The following FOXP2 variants were observed in gnomAD, a reference collection of about 807,000 sequenced individuals.
FOXP2 encodes the protein forkhead box protein P2.
FOXP2 carries 12 observed loss-of-function variants against 115.8 expected under a neutral mutation model. That is an observed-to-expected ratio of 0.10 (90% CI 0.07 to 0.17). FOXP2 has a LOEUF of 0.17. Ranked by LOEUF, FOXP2 falls within the 10% of genes least tolerant of loss-of-function variation. The probability of loss-of-function intolerance (pLI) is 1.00; values close to 1 mark genes in which losing one functional copy is unlikely to be tolerated. For missense variants in FOXP2, 629 were observed against 843.5 expected, an observed-to-expected ratio of 0.75 and a Z score of 3.15; for synonymous variants, 328 against 297.7, an observed-to-expected ratio of 1.10 and a Z score of -1.05.
intron 2 of FOXP2, among the ~76,000 whole-genome samples, chr7:114,403,834 A>G (rs1326879866): frequency 6.6e-6 from 1 of 152,228 alleles, no homozygotes; most frequent in African/African-American, 2.4e-5. Context: ...ACAAGAAAAG[A>G]TTAACTAAAA....
At chr7:114,342,716 C>G (rs538754978) in intron 2 of FOXP2, among the ~76,000 whole-genome samples, 1 of 151,558 alleles carries the variant, frequency 6.6e-6, no homozygotes, top group African/African-American at 2.4e-5. Context: ...TTTCAACAGT[C>G]TTCTGTCTTT....
At chr7:114,109,637 T>C (rs1422876125) in intron 1 of FOXP2, among the ~76,000 whole-genome samples, 4 of 152,130 alleles carry the variant, frequency 2.6e-5, no homozygotes, top group Admixed American at 2.6e-4. Context: ...TATTAACTTT[T>C]AATCATAAAT....
rs1224001486 is a variant in FOXP2 at position 114,658,122 on chromosome 7, G to C, written c.1323G>C (p.Gln441His). Residue 441 changes from glutamine (Q) to histidine (H), a missense_variant, in exon 11 of 17, where the codon CAG becomes CAC. Around this residue, in one of 9 missense-constraint regions of FOXP2, gnomAD observed 101 missense variants for 116.0 expected, o/e 0.87. Transcript: ENST00000350908. The stretch of plus-strand genomic sequence containing the variant: ...AGAATATGTTGGAGACATCCCCACA[G>C]AGCTTACCTCAAACCCCTACCACAC... ...MSKNMLETSP[Q>H]SLPQTPTTPT... 6.2e-7 allele frequency: 1 copy of C among 1,613,864 alleles called. No individual in the cohort carries two copies. The highest frequency in any genetic ancestry group is 8.5e-7 in the Non-Finnish European group (1 of 1,179,876).
chr7:114,093,767 T>A (rs906922184), intron 1 of FOXP2, among the ~76,000 whole-genome samples: 1 of 152,136 alleles, frequency 6.6e-6, no homozygotes, highest in Non-Finnish European at 1.5e-5. Context: ...AAATATAGAT[T>A]TTAAAATCTA....
At chr7:114,122,095 T>C (rs1432016673) in intron 1 of FOXP2, among the ~76,000 whole-genome samples, 1 of 152,104 alleles carries the variant, frequency 6.6e-6, no homozygotes, top group Non-Finnish European at 1.5e-5. Flanking sequence ...TACTAGTAGG[T>C]GTATTTTGAG....
chr7:114,416,338 T>G (rs1287156429), intron 1 of FOXP2: 1 of 152,010 alleles, frequency 6.6e-6, no homozygotes, highest in Non-Finnish European at 1.5e-5. Flanking sequence ...ATGACACAGA[T>G]AGCTGCACTT....
At chr7:114,574,679 C>G (rs1425324879) in intron 3 of FOXP2, among the ~76,000 whole-genome samples, 1 of 151,860 alleles carries the variant, frequency 6.6e-6, no homozygotes, top group East Asian at 1.9e-4. Flanking sequence ...GTTAGTGTTG[C>G]CTACAGGTTT....
chr7:114,672,952 C>T (rs1201145170), intron 16 of FOXP2, among the ~76,000 whole-genome samples: 1 of 152,128 alleles, frequency 6.6e-6, no homozygotes, highest in Non-Finnish European at 1.5e-5. Flanking sequence ...CAGTAGGGCT[C>T]AACTACAGGA....
At chr7:114,533,367 G>A (rs1046206285) in intron 2 of FOXP2, among the ~76,000 whole-genome samples, 11 of 151,844 alleles carry the variant, frequency 7.2e-5, no homozygotes, top group African/African-American at 2.2e-4. Context: ...GGGTTAAGAC[G>A]TGGCAACTTT....
chr7:114,612,989 T>TGTTACTTTG (rs1277726634), intron 3 of FOXP2, among the ~76,000 whole-genome samples: 1 of 152,192 alleles, frequency 6.6e-6, no homozygotes, highest in African/African-American at 2.4e-5. Context: ...GTTACTTTTG[T>TGTTACTTTG]GTTACTTTGT....
At chr7:114,626,267 C>T (rs968410950) in intron 3 of FOXP2, among the ~76,000 whole-genome samples, 4 of 151,634 alleles carry the variant, frequency 2.6e-5, no homozygotes, top group Non-Finnish European at 5.9e-5. Flanking sequence ...TTTATCAAAT[C>T]GATCACAATA....
chr7:114,410,563 CAATA>C (rs1388986511), upstream of FOXP2, among the ~76,000 whole-genome samples: 1 of 152,090 alleles, frequency 6.6e-6, no homozygotes, highest in Non-Finnish European at 1.5e-5. Context: ...AGTAGATGCT[CAATA>C]AATATTTTCC....
Position 114,473,829 on chromosome 7 carries a change from C to T in FOXP2, c.168+47150C>T, listed in dbSNP as rs1315441148. On this transcript the variant is annotated intron_variant, in intron 2 of 16. Coordinates refer to ENST00000350908, the MANE Select transcript of FOXP2 (RefSeq NM_014491.4). ...TACTAATTTACTTAAGCTTTGAATC[C>T]GAGTAATTATCCATGATCAATTCAT... Among the ~76,000 whole-genome samples the T allele has an allele frequency of 1.3e-5, 2 of 151,938 alleles. 1 individual carries two copies. The highest frequency in any genetic ancestry group is 4.2e-4 in the South Asian group (2 of 4,816).
At chr7:114,277,894 G>A (rs1424631962) in intron 1 of FOXP2, among the ~76,000 whole-genome samples, 1 of 151,826 alleles carries the variant, frequency 6.6e-6, no homozygotes, top group Non-Finnish European at 1.5e-5. Flanking sequence ...TGAGCATGGT[G>A]GCATGTGTCT....
chr7:114,453,502 G>A (rs1400358177), intron 2 of FOXP2, among the ~76,000 whole-genome samples: 1 of 151,790 alleles, frequency 6.6e-6, no homozygotes, highest in Admixed American at 6.6e-5. Context: ...CAGTTTATTT[G>A]TATATTCCTT....
intron 1 of FOXP2, among the ~76,000 whole-genome samples, chr7:114,119,507 G>A (rs528836108): frequency 3.3e-5 from 5 of 151,992 alleles, no homozygotes; most frequent in Non-Finnish European, 7.4e-5. Flanking sequence ...TTGGGAGGCC[G>A]AAGTGGGAGG....
chr7:114,200,786 C>G (rs1387383268), intron 1 of FOXP2, among the ~76,000 whole-genome samples: 3 of 152,148 alleles, frequency 2.0e-5, no homozygotes, highest in Non-Finnish European at 4.4e-5. Flanking sequence ...TTCCCCTATG[C>G]TACTATTACG....
Position 114,631,684 on chromosome 7 carries a change from C to T in FOXP2, c.754C>T (p.Pro252Ser). 6.2e-7 allele frequency: 1 copy of T among 1,614,112 alleles called. No individual in the cohort carries two copies. Among genetic ancestry groups the T allele is most frequent in the Non-Finnish European group, 8.5e-7 (1 of 1,180,018 alleles). The change falls in exon 6 of 17, where the codon CCT becomes TCT. Residue 252 changes from proline (P) to serine (S), a missense_variant. This residue lies in a region of FOXP2 where 138 missense variants were observed against 205.1 expected (regional missense o/e 0.67). Transcript: ENST00000350908. ...CATTCCACCTGGCCAGGCAGCACTT[C>T]CTGTCCAATCGCTGCCTCAAGGTAC... ...ISIPPGQAAL[P>S]VQSLPQAGLS... is the part of the protein sequence containing the mutation.
rs1792260796 is a variant in FOXP2, at chr7:114,142,877, G to T, written c.-246-20067G>T. Among the ~76,000 whole-genome samples the T allele has an allele frequency of 3.3e-5, 5 of 152,170 alleles. No individual in the cohort carries two copies. The South Asian group carries it at 1.0e-3, about 32-fold the overall frequency. ...TAACGCCCACTTCTGACCACGGATG[G>T]TGGCTCATGCCTGTAATTCCCACAT... On this transcript the variant is annotated intron_variant, in intron 1 of 19. Coordinates refer to the FOXP2 transcript ENST00000635638.
Sources: allele counts gnomAD v4.1 joint callset (sites outside exome capture counted in the v4.1 genomes callset), GRCh38; gene constraint gnomAD v4.1.1; regional missense constraint gnomAD v4.1.1; transcripts MANE v1.5; gene names NCBI Gene and HGNC (gene_info 2026-07-23, HGNC 2026-07-21).